C5: variants seen among roughly 807,000 people sequenced by gnomAD.
C5 encodes C3 and PZP-like alpha-2-macroglobulin domain-containing protein 4.
C5 carries 140 observed loss-of-function variants against 218.8 expected under a neutral mutation model. The observed-to-expected ratio is 0.64, with a 90% CI of 0.56 to 0.74. The LOEUF is 0.74. Ranked by LOEUF, C5 falls within the 30% of genes least tolerant of loss-of-function variation. C5 has a pLI of 0.00. For missense variants in C5, 1,700 were observed against 1,969.6 expected, an observed-to-expected ratio of 0.86 and a Z score of 2.59; for synonymous variants, 614 against 682.3, an observed-to-expected ratio of 0.90 and a Z score of 1.56.
chr9:120,987,562 C>T (rs1352211614), intron 25 of C5, among the ~76,000 whole-genome samples: 1 of 146,406 alleles, frequency 6.8e-6, no homozygotes, highest in Non-Finnish European at 1.5e-5. Context: ...CGCTTGAACC[C>T]GGGAGGCGGA....
chr9:121,032,455 T>C (rs182292187), intron 5 of C5, among the ~76,000 whole-genome samples: 1 of 152,350 alleles, frequency 6.6e-6, no homozygotes, highest in East Asian at 1.9e-4. Flanking sequence ...AATACAGTCA[T>C]TAGTTTTGAT....
At chr9:121,022,366 A>G (rs1457750718) in intron 10 of C5, among the ~76,000 whole-genome samples, 2 of 150,252 alleles carry the variant, frequency 1.3e-5, no homozygotes, top group African/African-American at 2.4e-5. Context: ...TTATATAAAC[A>G]TATTTTAAGC....
At chr9:121,038,979 G>A (rs950136504) in intron 3 of C5, among the ~76,000 whole-genome samples, 1 of 152,138 alleles carries the variant, frequency 6.6e-6, no homozygotes, top group Non-Finnish European at 1.5e-5. Context: ...AGCTGCCCAA[G>A]TCAGAAAGTC....
intron 4 of C5, among the ~76,000 whole-genome samples, chr9:121,035,505 G>T (rs2047516622): frequency 6.6e-6 from 1 of 152,090 alleles, no homozygotes; most frequent in South Asian, 2.1e-4. Context: ...ACTACACATG[G>T]GGGTCCAATT....
At chr9:121,007,751 G>A (rs903432033) in intron 18 of C5, among the ~76,000 whole-genome samples, 4 of 152,196 alleles carry the variant, frequency 2.6e-5, no homozygotes, top group African/African-American at 4.8e-5. Flanking sequence ...TCCAATCACT[G>A]GTAGTGTGGG....
chr9:121,035,361 G>C (rs959297202), intron 4 of C5, among the ~76,000 whole-genome samples: 1 of 152,152 alleles, frequency 6.6e-6, no homozygotes, highest in Non-Finnish European at 1.5e-5. Flanking sequence ...TAAATGTATA[G>C]TATGGGCATT....
rs772633842 is a variant in C5 at position 121,043,162 on chromosome 9, T to C, written c.263A>G (p.Gln88Arg). 1 of 1,611,808 alleles carries C rather than the reference T, an allele frequency of 6.2e-7. No individual in the cohort carries two copies. The highest frequency in any genetic ancestry group is 8.5e-7 in the Non-Finnish European group (1 of 1,178,622). Residue 88 changes from glutamine (Q) to arginine (R), a missense_variant, in exon 3 of 41, where the codon CAA (glutamine) becomes CGA (arginine). By Grantham distance (43) the Gln-to-Arg change is conservative. Coordinates refer to ENST00000223642, the MANE Select transcript of C5 (RefSeq NM_001735.3). ...TTGTCCTCCAGGCAATTGTTTTGGT[T>C]GTATCTGGAAAAGAAATTGTTGATG... ...KFQNSAILTI[Q>R]PKQLPGGQNP...
At chr9:121,057,102 TC>T in the C5 span, among the ~76,000 whole-genome samples, 4 of 152,062 alleles carry the variant, frequency 2.6e-5, no homozygotes, top group African/African-American at 4.8e-5. Flanking sequence ...AAAAGAAACA[TC>T]CAACCTAGAA....
chr9:121,038,975 C>G (rs2047553904), intron 3 of C5, among the ~76,000 whole-genome samples: 1 of 152,128 alleles, frequency 6.6e-6, no homozygotes. Flanking sequence ...GGGAAGCTGC[C>G]CAAGTCAGAA....
At chr9:120,960,148 T>C (rs1403238811) in intron 38 of C5, 100 bp downstream of exon 38, 2 of 765,742 alleles carry the variant, frequency 2.6e-6, no homozygotes, top group African/African-American at 1.7e-5. Flanking sequence ...TGGAATGTTG[T>C]ATTCATATAA....
At chr9:121,064,099 T>C in the C5 span, among the ~76,000 whole-genome samples, 2 of 152,204 alleles carry the variant, frequency 1.3e-5, no homozygotes, top group African/African-American at 2.4e-5. Context: ...ATTCACTTTG[T>C]TCTTGTTGTT....
chr9:120,991,275 T>C lies in C5; in HGVS notation c.2857A>G (p.Ile953Val), dbSNP rs781248947. 2 of 1,595,758 alleles carry C rather than the reference T, an allele frequency of 1.3e-6. No homozygotes were observed. The highest frequency in any genetic ancestry group is 1.7e-6 in the Non-Finnish European group (2 of 1,163,354). The change falls in exon 23 of 41, where the codon ATT becomes GTT. Residue 953 changes from isoleucine (I) to valine (V), a missense_variant. Physicochemically the swap from Ile to Val is conservative, Grantham distance 29. Transcript: ENST00000223642. ...TATGGGAACTCCTTTCGTCTGCTAATGGTACCTGTAATTTAGAAAATTTGG... is the reference window on the plus strand; with the variant it reads ...TATGGGAACTCCTTTCGTCTGCTAACGGTACCTGTAATTTAGAAAATTTGG... ...TLDPRGIYGT[I>V]SRRKEFPYRI...
chr9:120,978,814 T>C (rs2046970977), intron 28 of C5, among the ~76,000 whole-genome samples: 1 of 152,186 alleles, frequency 6.6e-6, no homozygotes, highest in African/African-American at 2.4e-5. Flanking sequence ...ATGCACTCCT[T>C]TGCTCAAAAT....
chr9:121,002,314 G>GTATATATATA (rs1260903533), intron 20 of C5, among the ~76,000 whole-genome samples: 5 of 62,462 alleles, frequency 8.0e-5, no homozygotes, highest in Admixed American at 2.1e-4. Flanking sequence ...ATATATGTGT[G>GTATATATATA]TGTATATATA....
intron 12 of C5, among the ~76,000 whole-genome samples, chr9:121,018,243 ACT>A (rs1406584868): frequency 3.7e-5 from 4 of 108,550 alleles, no homozygotes; most frequent in African/African-American, 4.1e-5. Context: ...ACAGAGCAAG[ACT>A]CTGTCTCAAA....
At chr9:121,031,753 A>G (rs2131798186) in intron 6 of C5, among the ~76,000 whole-genome samples, 1 of 152,310 alleles carries the variant, frequency 6.6e-6, no homozygotes, top group East Asian at 1.9e-4. Flanking sequence ...TTATTGCAAA[A>G]CACTAACTTT....
chr9:121,017,714 C>G lies in C5; in HGVS notation c.1645G>C (p.Glu549Gln), dbSNP rs1247098009. 1 of 1,613,378 alleles carries G rather than the reference C, an allele frequency of 6.2e-7. No individual in the cohort carries two copies. The highest frequency in any genetic ancestry group is 8.5e-7 in the Non-Finnish European group (1 of 1,179,562). ...RLLVYYIVTG[E>Q]QTAELVSDSV... ...TCAGACACTAATTCTGCTGTCTGTT[C>G]TCCTGTGACGATGTAATAGACCAGA... is the stretch of plus-strand genomic sequence containing the variant. Residue 549 changes from glutamate (E) to glutamine (Q), a missense_variant, in exon 13 of 41, where the codon GAA becomes CAA. Coordinates refer to ENST00000223642, the MANE Select transcript of C5 (RefSeq NM_001735.3).
chr9:121,050,357 G>T (rs1169441728), upstream of C5: 3 of 922,212 alleles, frequency 3.3e-6, no homozygotes, highest in Non-Finnish European at 5.4e-6. Flanking sequence ...ATGTCAGAAA[G>T]GTGAACCTCT....
intron 10 of C5, among the ~76,000 whole-genome samples, chr9:121,022,431 T>C (rs2047374191): frequency 6.7e-6 from 1 of 148,624 alleles, no homozygotes; most frequent in Non-Finnish European, 1.5e-5. Flanking sequence ...ATATTATATA[T>C]TACTGTATAT....
Sources: allele counts gnomAD v4.1 joint callset (sites outside exome capture counted in the v4.1 genomes callset), GRCh38; gene constraint gnomAD v4.1.1; transcripts MANE v1.5; gene names NCBI Gene and HGNC (gene_info 2026-07-23, HGNC 2026-07-21).